OPA1: variants seen among roughly 807,000 people sequenced by gnomAD.
OPA1 encodes dynamin-like GTPase OPA1, mitochondrial.
A neutral mutation model predicts 152.9 loss-of-function variants in OPA1; 59 were observed. That is an observed-to-expected ratio of 0.39 (90% CI 0.31 to 0.48). OPA1 has a LOEUF of 0.48. Among genes scored for constraint, OPA1 ranks in the 20% least tolerant of loss-of-function variants. OPA1 has a pLI of 0.96. For synonymous variants in OPA1, 400 were observed against 389.9 expected, an observed-to-expected ratio of 1.03 and a Z score of -0.31; for missense variants, 1,008 against 1,216.8, an observed-to-expected ratio of 0.83 and a Z score of 2.55.
intron 1 of OPA1, among the ~76,000 whole-genome samples, chr3:193,606,492 C>G (rs1280707169): frequency 1.3e-5 from 2 of 151,488 alleles, no homozygotes; most frequent in Non-Finnish European, 2.9e-5. Context: ...GTTCAGTTCC[C>G]ACCTACGAGT....
intron 21 of OPA1, among the ~76,000 whole-genome samples, chr3:193,653,232 T>C (rs1038408845): frequency 2.0e-5 from 3 of 152,184 alleles, no homozygotes; most frequent in Non-Finnish European, 4.4e-5. Flanking sequence ...TCTTTACTGG[T>C]TGTAACTGGA....
At chr3:193,609,822 G>A (rs892404194) in intron 1 of OPA1, among the ~76,000 whole-genome samples, 3 of 152,092 alleles carry the variant, frequency 2.0e-5, no homozygotes, top group South Asian at 2.1e-4. Flanking sequence ...TCTTCCAGTT[G>A]ATCGAATCGG....
intron 7 of OPA1, 78 bp from the exon 8 acceptor site, chr3:193,631,534 C>A (rs1225433096): frequency 1.2e-5 from 13 of 1,040,434 alleles, no homozygotes; most frequent in Non-Finnish European, 1.8e-5. Context: ...ACTCTCAATA[C>A]TTATCAAAAA....
At chr3:193,640,043 A>G (rs1733528549) in intron 11 of OPA1, among the ~76,000 whole-genome samples, 1 of 152,140 alleles carries the variant, frequency 6.6e-6, no homozygotes, top group Non-Finnish European at 1.5e-5. Flanking sequence ...GTTTGGGGGA[A>G]GAAGATCAGG....
At chr3:193,639,619 G>A (rs545017739) in intron 11 of OPA1, among the ~76,000 whole-genome samples, 4 of 152,348 alleles carry the variant, frequency 2.6e-5, no homozygotes, top group East Asian at 1.9e-4. Flanking sequence ...AATGAAGAGC[G>A]GGGAGGAACA....
intron 29 of OPA1, among the ~76,000 whole-genome samples, chr3:193,688,678 T>A (rs549543707): frequency 3.3e-5 from 5 of 152,086 alleles, no homozygotes; most frequent in Non-Finnish European, 5.9e-5. Context: ...TTTGTTATTA[T>A]GAGTTAACAT....
chr3:193,613,961 T>C (rs774476473), intron 1 of OPA1: 21 of 518,920 alleles, frequency 4.0e-5, no homozygotes, highest in Admixed American at 1.6e-4. Flanking sequence ...CCCTGATTAT[T>C]AGTAAGCAAC....
chr3:193,684,571 C>T (rs1720671811), intron 29 of OPA1, among the ~76,000 whole-genome samples: 1 of 151,626 alleles, frequency 6.6e-6, no homozygotes, highest in Non-Finnish European at 1.5e-5. Context: ...CTGCCTCAGC[C>T]TCCCAGGTAG....
intron 29 of OPA1, among the ~76,000 whole-genome samples, chr3:193,678,857 G>A (rs1354280199): frequency 2.0e-5 from 3 of 152,026 alleles, no homozygotes; most frequent in African/African-American, 7.2e-5. Flanking sequence ...AAAACTAATG[G>A]GTTGAACCTT....
At chr3:193,670,377 T>C (rs1304164767) in intron 29 of OPA1, among the ~76,000 whole-genome samples, 1 of 151,670 alleles carries the variant, frequency 6.6e-6, no homozygotes, top group African/African-American at 2.4e-5. Flanking sequence ...CCTTGGAGAC[T>C]TCCCCCCCAC....
At chr3:193,650,950 T>A (rs1384819227) in intron 21 of OPA1, among the ~76,000 whole-genome samples, 1 of 152,052 alleles carries the variant, frequency 6.6e-6, no homozygotes, top group Non-Finnish European at 1.5e-5. Context: ...AAATCAAAGA[T>A]TTGCAATATC....
At position 193,662,381 on chromosome 3, in the gene OPA1, C is replaced by A. The variant is rs538119998; in HGVS notation, c.2521-441C>A. ...AAGAAACATGTCAACAAGTTTAAGT[C>A]CTTACAGTAATCTCGTTCTTAAGTA... On this transcript the variant is annotated intron_variant, in intron 25 of 30. Transcript: ENST00000361510. 4.6e-5 allele frequency among the ~76,000 whole-genome samples: 7 copies of A among 152,230 alleles called. No individual in the cohort carries two copies. In the East Asian group the frequency reaches 1.2e-3, roughly 25 times the overall value.
chr3:193,671,976 A>T (rs748352925), intron 29 of OPA1, among the ~76,000 whole-genome samples: 1 of 152,180 alleles, frequency 6.6e-6, no homozygotes, highest in Non-Finnish European at 1.5e-5. Flanking sequence ...CTGGTGTTAA[A>T]ATATGCCCAC....
In OPA1 at chr3:193,667,311, T is replaced by TACCTTTCC. The variant is rs781732271; in HGVS notation, c.2983+40_2983+47dup. The TACCTTTCC allele has an allele frequency of 2.9e-5, 28 of 955,690 alleles. No homozygotes were observed. In the African/African-American group the frequency reaches 3.2e-4, roughly 11 times the overall value. 59.2% of individuals were successfully genotyped at this position (955,690 alleles called of 1,614,324 possible). ...TAGTTCTTACTGCCCTCTACCTTAC[T>TACCTTTCC]ACCTTTCCACCTTTCCCATTTCCAT... On this transcript the variant is annotated intron_variant, in intron 29 of 30. Coordinates refer to ENST00000361510, the MANE Select transcript of OPA1 (RefSeq NM_130837.3).
intron 1 of OPA1, among the ~76,000 whole-genome samples, 192 bp from the exon 2 acceptor site, chr3:193,614,531 G>A (rs1415953146): frequency 6.6e-6 from 1 of 152,140 alleles, no homozygotes; most frequent in East Asian, 1.9e-4. Flanking sequence ...TTGTTAGCAG[G>A]ATTAAATGAG....
chr3:193,644,022 C>G lies in OPA1; in HGVS notation c.1525C>G (p.Gln509Glu), dbSNP rs1477934829. Residue 509 changes from glutamine to glutamate, a missense_variant, in exon 16 of 31, where the codon CAA (glutamine) becomes GAA (glutamate). By Grantham distance (29) the Gln-to-Glu change is conservative. Transcript: ENST00000361510. ...ERSIVTDLVS[Q>E]MDPHGRRTIF... ...CAGTATTGTTACAGACTTGGTCAGT[C>G]AAATGGACCCTCATGGAAGGAGAAC... 6.2e-7 allele frequency: 1 copy of G among 1,613,678 alleles called. No individual in the cohort carries two copies. The highest frequency in any genetic ancestry group is 1.7e-5 in the Admixed American group (1 of 60,010).
At chr3:193,668,870 A>C in intron 29 of OPA1, 1 of 1,057,146 alleles carries the variant, frequency 9.5e-7, no homozygotes, top group African/African-American at 1.7e-5. Flanking sequence ...ATCTTTGAGA[A>C]CTCAAGGAAA....
At chr3:193,600,621 G>C (rs1726316164) in intron 1 of OPA1, among the ~76,000 whole-genome samples, 1 of 152,194 alleles carries the variant, frequency 6.6e-6, no homozygotes, top group East Asian at 1.9e-4. Flanking sequence ...TGATTGGTCA[G>C]AGTCTTCAGT....
chr3:193,621,321 G>A (rs550490193), intron 6 of OPA1, among the ~76,000 whole-genome samples: 15 of 152,314 alleles, frequency 9.8e-5, no homozygotes, highest in Admixed American at 3.3e-4. Context: ...TGAAAGTGAC[G>A]GGGAGCTGAG....
Sources: allele counts gnomAD v4.1 joint callset (sites outside exome capture counted in the v4.1 genomes callset), GRCh38; gene constraint gnomAD v4.1.1; transcripts MANE v1.5; gene names NCBI Gene and HGNC (gene_info 2026-07-23, HGNC 2026-07-21).